Variants in INSR observed in about 807,000 individuals in gnomAD.
INSR encodes insulin receptor.
In INSR, 67 loss-of-function variants were observed where a neutral mutation model predicts 142.6. The ratio of observed to expected loss-of-function variants is 0.47; its 90% CI spans 0.39 to 0.58. The LOEUF (loss-of-function observed/expected upper bound fraction) is 0.58. INSR is among the 20% of genes least tolerant of loss of function. INSR has a pLI of 0.00. For missense variants in INSR, 1,248 were observed against 1,833.2 expected, an observed-to-expected ratio of 0.68 and a Z score of 5.83; for synonymous variants, 756 against 743.1, an observed-to-expected ratio of 1.02 and a Z score of -0.28.
intron 2 of INSR, among the ~76,000 whole-genome samples, chr19:7,219,073 G>T (rs1430225274): frequency 6.6e-6 from 1 of 152,198 alleles, no homozygotes; most frequent in Non-Finnish European, 1.5e-5. Context: ...GTCACTCTGT[G>T]TGTGGTTTTC....
At chr19:7,126,837 G>T (rs775371599) in intron 15 of INSR, among the ~76,000 whole-genome samples, 186 bp from the exon 16 acceptor site, 1 of 151,986 alleles carries the variant, frequency 6.6e-6, no homozygotes, top group Non-Finnish European at 1.5e-5. Context: ...AGACAGGTAT[G>T]TAAGTGCATC....
In INSR at chr19:7,128,908, G is replaced by A. The variant is rs142702367; in HGVS notation, c.2889C>T (p.Ile963=). ...TCACAACACTGAAGAGAAAGACAAA[G>A]ATGAGGGGGCCGATGATAATTTTTG... is the stretch of plus-strand genomic sequence containing the variant. The part of the protein sequence containing the change: ...NIAKIIIGPL[I]FVFLFSVVIG... Residue 963 remains isoleucine (I), a synonymous_variant, in exon 15 of 22, where the codon ATC becomes ATT. Coordinates refer to ENST00000302850, the MANE Select transcript of INSR (RefSeq NM_000208.4). The A allele has an allele frequency of 1.3e-5, 21 of 1,614,006 alleles. No individual in the cohort carries two copies. In the African/African-American group the frequency reaches 2.3e-4, roughly 17 times the overall value.
intron 2 of INSR, among the ~76,000 whole-genome samples, chr19:7,249,811 T>C (rs924781020): frequency 7.2e-5 from 11 of 152,006 alleles, no homozygotes; most frequent in East Asian, 1.9e-4. Context: ...GCTAACAGGG[T>C]GAAACCCCGT....
At chr19:7,239,956 A>T (rs1266817100) in intron 2 of INSR, among the ~76,000 whole-genome samples, 5 of 152,118 alleles carry the variant, frequency 3.3e-5, no homozygotes, top group Non-Finnish European at 5.9e-5. Context: ...TTTTTTTGAG[A>T]CGGAGTCTCA....
intron 2 of INSR, 21 bp from the exon 3 acceptor site, chr19:7,184,658 A>AGG: frequency 2.2e-6 from 3 of 1,361,854 alleles, no homozygotes; most frequent in Non-Finnish European, 3.0e-6. Context: ...AGAGAGAGAG[A>AGG]GAGGGAAATA....
At chr19:7,238,360 C>T (rs997331764) in intron 2 of INSR, among the ~76,000 whole-genome samples, 1 of 152,138 alleles carries the variant, frequency 6.6e-6, no homozygotes, top group African/African-American at 2.4e-5. Flanking sequence ...TGGCTCACGC[C>T]TGTAATCCCA....
chr19:7,284,583 C>T (rs1401500835), intron 1 of INSR, among the ~76,000 whole-genome samples: 6 of 152,188 alleles, frequency 3.9e-5, no homozygotes, highest in African/African-American at 1.2e-4. Context: ...GGCTGGAGTG[C>T]AGAGGCACAA....
Position 7,267,951 on chromosome 19 carries a change from C to A in INSR, c.101-55G>T. The A allele has an allele frequency of 6.9e-7, 1 of 1,450,152 alleles. No homozygotes were observed. The highest frequency in any genetic ancestry group is 9.6e-7 in the Non-Finnish European group (1 of 1,043,570). The allele number at this position is 1,450,152 out of a possible 1,614,324, so 89.8% of individuals were successfully genotyped here. A position where few individuals can be genotyped will look rare whatever the true frequency, so the allele number is the denominator to read the frequency against. On this transcript the variant is annotated intron_variant, in intron 1 of 21. Transcript: ENST00000302850. This position sits in a 1 kb window ranked among gnomAD's most constrained non-coding sequence, Gnocchi z 6.3. ...CAGGTGAGCAGACGCACGGTGGATG[C>A]ATCAGAAGGATCAGGGGCAGAGCCG... is the stretch of plus-strand genomic sequence containing the variant.
intron 6 of INSR, among the ~76,000 whole-genome samples, chr19:7,169,796 A>T (rs544082548): frequency 6.6e-6 from 1 of 152,136 alleles, no homozygotes; most frequent in Non-Finnish European, 1.5e-5. Context: ...TCATCCATTC[A>T]TTCAGTGCTT....
intron 2 of INSR, among the ~76,000 whole-genome samples, chr19:7,201,065 G>GT (rs1354204939): frequency 1.8e-4 from 27 of 152,088 alleles, no homozygotes; most frequent in African/African-American, 6.3e-4. Context: ...ATGCAATTAA[G>GT]TACAGGAGTA....
At chr19:7,202,158 C>T (rs566635831) in intron 2 of INSR, among the ~76,000 whole-genome samples, 16 of 152,224 alleles carry the variant, frequency 1.1e-4, no homozygotes, top group Admixed American at 9.2e-4. Flanking sequence ...TTGGCTCGTG[C>T]GACTGAGAAA....
intron 13 of INSR, among the ~76,000 whole-genome samples, chr19:7,140,773 C>CTTT (rs34805383): frequency 1.4e-5 from 2 of 139,482 alleles, no homozygotes; most frequent in Non-Finnish European, 3.1e-5. Flanking sequence ...ATTAACGGCC[C>CTTT]TTTTTTTTTT....
rs946487367 is a variant in INSR, at chr19:7,225,900, C to A, written c.653-41263G>T. Among the ~76,000 whole-genome samples, 4 of 152,186 alleles carry A rather than the reference C, an allele frequency of 2.6e-5. No individual in the cohort carries two copies. Among genetic ancestry groups the A allele is most frequent in the Non-Finnish European group, 4.4e-5 (3 of 68,030 alleles). On this transcript the variant is annotated intron_variant, in intron 2 of 21. Transcript: ENST00000302850. The surrounding 1 kb of genome is among the most constrained non-coding windows in gnomAD (Gnocchi z 4.7). Reference sequence around the variant, plus strand: ...GGGTGGAAGCCAGGGATGCTGCTAGCACCCTCAGTGCCCAGGACGGCCCCA... The same window carrying A: ...GGGTGGAAGCCAGGGATGCTGCTAGAACCCTCAGTGCCCAGGACGGCCCCA...
chr19:7,188,545 G>A (rs537305179), intron 2 of INSR, among the ~76,000 whole-genome samples: 3 of 57,682 alleles, frequency 5.2e-5, no homozygotes, highest in South Asian at 1.3e-3. Context: ...GTGAGACTCC[G>A]TCCAAAAAAA....
chr19:7,144,622 T>C (rs976268471), intron 11 of INSR, among the ~76,000 whole-genome samples: 1 of 152,030 alleles, frequency 6.6e-6, no homozygotes, highest in Non-Finnish European at 1.5e-5. Flanking sequence ...CAGGCTGGTC[T>C]CAAACTCCTG....
chr19:7,194,372 G>A (rs1251915949), intron 2 of INSR, among the ~76,000 whole-genome samples: 4 of 151,762 alleles, frequency 2.6e-5, no homozygotes, highest in African/African-American at 7.3e-5. Context: ...AGCCAAGATC[G>A]TGCCACTGCA....
chr19:7,150,946 CTCCT>C lies in INSR; in HGVS notation c.2232-418_2232-415del, dbSNP rs963518107. Among the ~76,000 whole-genome samples, 24 of 149,890 alleles carry C rather than the reference CTCCT, an allele frequency of 1.6e-4. No individual in the cohort carries two copies. The highest frequency in any genetic ancestry group is 5.2e-4 in the African/African-American group (21 of 40,730). ...CTTTCTCTTTTCTCTCTCCCTCTCTCTCCTTCCTTCCTTCTTTCCTCTTTTACTT... is the reference window on the plus strand; with the variant it reads ...CTTTCTCTTTTCTCTCTCCCTCTCTCTCCTTCCTTCTTTCCTCTTTTACTT... On this transcript the variant is annotated intron_variant, in intron 10 of 21. Transcript: ENST00000302850. The surrounding 1 kb of genome is among the most constrained non-coding windows in gnomAD (Gnocchi z 4.2).
At chr19:7,211,921 G>A (rs1238516927) in intron 2 of INSR, among the ~76,000 whole-genome samples, 1 of 140,786 alleles carries the variant, frequency 7.1e-6, no homozygotes, top group Non-Finnish European at 1.5e-5. Flanking sequence ...TTCAACACCT[G>A]GTAATGCCGG....
At chr19:7,158,426 G>A (rs189752941) in intron 9 of INSR, among the ~76,000 whole-genome samples, 1,573 of 152,202 alleles carry the variant, frequency 0.01, 26 homozygotes, top group African/African-American at 0.035. Flanking sequence ...GCGTGAACCC[G>A]GGAGGCGGAG....
Sources: allele counts gnomAD v4.1 joint callset (sites outside exome capture counted in the v4.1 genomes callset), GRCh38; gene constraint gnomAD v4.1.1; non-coding constraint Gnocchi (gnomAD v3.1); transcripts MANE v1.5; gene names NCBI Gene and HGNC (gene_info 2026-07-23, HGNC 2026-07-21).